CSMD3: variants seen among roughly 807,000 people sequenced by gnomAD.
CSMD3 encodes the protein CUB and sushi domain-containing protein 3.
In CSMD3, 177 loss-of-function variants were observed where a neutral mutation model predicts 435.2. The observed-to-expected ratio is 0.41, with a 90% confidence interval of 0.36 to 0.46. The LOEUF (loss-of-function observed/expected upper bound fraction) is 0.46, where lower values mean the gene tolerates loss of function less well. Ranked by LOEUF, CSMD3 falls within the 20% of genes least tolerant of loss-of-function variation. The pLI is 0.34. For missense variants in CSMD3, 4,265 were observed against 4,504.6 expected (o/e 0.95, Z 1.52); for synonymous variants, 1,656 against 1,520.5 (o/e 1.09, Z -2.07).
chr8:112,477,570 C>T (rs1382516997), intron 31 of CSMD3, among the ~76,000 whole-genome samples: 3 of 152,010 alleles, frequency 2.0e-5, no homozygotes, highest in Non-Finnish European at 4.4e-5. Context: ...TGAGTGTGTT[C>T]TCCTGAGATC....
chr8:112,506,019 A>G (rs1201806049), intron 29 of CSMD3, among the ~76,000 whole-genome samples: 1 of 152,220 alleles, frequency 6.6e-6, no homozygotes, highest in East Asian at 1.9e-4. Context: ...TGTTTCCTCA[A>G]TTGAGAAAAT....
chr8:112,389,623 T>A (rs892423427), intron 36 of CSMD3, among the ~76,000 whole-genome samples: 1 of 152,168 alleles, frequency 6.6e-6, no homozygotes, highest in Non-Finnish European at 1.5e-5. Flanking sequence ...TGAAGCTGAT[T>A]TTTTTTACTA....
intron 27 of CSMD3, among the ~76,000 whole-genome samples, chr8:112,520,738 CCAAATATATGT>C (rs57657214): frequency 0.31 from 46,633 of 151,404 alleles, 7,275 homozygotes; most frequent in East Asian, 0.47. Flanking sequence ...CATATATATG[CCAAATATATGT>C]CAAATAACAT....
intron 11 of CSMD3, among the ~76,000 whole-genome samples, chr8:112,845,059 C>T (rs2080280954): frequency 6.6e-6 from 1 of 151,866 alleles, no homozygotes; most frequent in Non-Finnish European, 1.5e-5. Flanking sequence ...AAATGCTTTG[C>T]CATTTGCATA....
chr8:112,343,235 CTA>C (rs1825347964), intron 41 of CSMD3, among the ~76,000 whole-genome samples: 1 of 151,716 alleles, frequency 6.6e-6, no homozygotes, highest in Admixed American at 6.6e-5. Context: ...ATTATTGAAA[CTA>C]TTTTTAATAA....
chr8:113,270,643 C>T (rs887060741), intron 3 of CSMD3, among the ~76,000 whole-genome samples: 1 of 151,934 alleles, frequency 6.6e-6, no homozygotes, highest in African/African-American at 2.4e-5. Flanking sequence ...TACTATGCAG[C>T]CATAAAAAAG....
At chr8:113,121,932 A>G (rs1415181178) in intron 4 of CSMD3, among the ~76,000 whole-genome samples, 1 of 152,136 alleles carries the variant, frequency 6.6e-6, no homozygotes, top group Non-Finnish European at 1.5e-5. Context: ...TGTTACTATT[A>G]AAAAATTAAC....
At chr8:112,270,355 T>TGTGTGTGTGTGTGTGTGTGTTAGGGGTGA (rs1563717206) in intron 59 of CSMD3, among the ~76,000 whole-genome samples, 3 of 93,576 alleles carry the variant, frequency 3.2e-5, no homozygotes, top group Non-Finnish European at 6.1e-5. Flanking sequence ...TGTGTGTGTG[T>TGTGTGTGTGTGTGTGTGTGTTAGGGGTGA]GTGTGTGTGT....
intron 13 of CSMD3, among the ~76,000 whole-genome samples, chr8:112,713,581 C>G (rs550988010): frequency 6.6e-6 from 1 of 151,960 alleles, no homozygotes; most frequent in African/African-American, 2.4e-5. Flanking sequence ...AAAAACACCA[C>G]TAAGGTACTA....
chr8:112,790,369 G>GA (rs554787166), intron 13 of CSMD3, among the ~76,000 whole-genome samples: 107 of 146,440 alleles, frequency 7.3e-4, no homozygotes, highest in African/African-American at 2.1e-3. Context: ...GAACAAAAGT[G>GA]AAAAAAAATC....
rs747961241 is a variant in CSMD3, at chr8:112,380,335, CATG to C, written c.6136+14_6136+16del. 11 of 1,329,592 alleles carry C rather than the reference CATG, an allele frequency of 8.3e-6. No homozygotes were observed. Among genetic ancestry groups the C allele is most frequent in the African/African-American group, 1.4e-5 (1 of 69,168 alleles). The allele number at this position is 1,329,592 out of a possible 1,614,324, so 82.4% of individuals were successfully genotyped here. A position where few individuals can be genotyped will look rare whatever the true frequency, so the allele number is the denominator to read the frequency against. On this transcript the variant is annotated intron_variant, in intron 38 of 70. Transcript: ENST00000297405. ...TTGTTCTTAACCTTTTTGAATGGCA[CATG>C]ATATTATTTTTACCTGTGTATTCAA...
intron 24 of CSMD3, among the ~76,000 whole-genome samples, chr8:112,564,963 T>C (rs1828948393): frequency 6.6e-6 from 1 of 152,124 alleles, no homozygotes; most frequent in African/African-American, 2.4e-5. Flanking sequence ...AAATTAATTG[T>C]ATGTAACATG....
At chr8:112,649,879 T>C (rs1006129615) in intron 19 of CSMD3, among the ~76,000 whole-genome samples, 1 of 152,130 alleles carries the variant, frequency 6.6e-6, no homozygotes, top group Non-Finnish European at 1.5e-5. Flanking sequence ...TTTGAAAAGG[T>C]CCACAGCATG....
At chr8:112,762,276 T>C (rs2077858658) in intron 13 of CSMD3, among the ~76,000 whole-genome samples, 1 of 151,982 alleles carries the variant, frequency 6.6e-6, no homozygotes, top group Non-Finnish European at 1.5e-5. Flanking sequence ...TTACCCATAT[T>C]GGGAAAATTC....
intron 28 of CSMD3, among the ~76,000 whole-genome samples, chr8:112,511,865 T>C (rs1823180212): frequency 6.6e-6 from 1 of 152,200 alleles, no homozygotes; most frequent in South Asian, 2.1e-4. Context: ...TTCTTTGTTG[T>C]CATTTCAACA....
In CSMD3 at chr8:113,163,976, G is replaced by A. The variant is rs992010181; in HGVS notation, c.709+9746C>T. ...TTAAATTATACTGTGCCTTCTTTGC[G>A]TTGTTTAGCTAAAGAAATATTTCAT... On this transcript the variant is annotated intron_variant, in intron 4 of 70. Transcript: ENST00000297405. 7.2e-5 allele frequency among the ~76,000 whole-genome samples: 11 copies of A among 151,966 alleles called. No homozygotes were observed. The East Asian group carries it at 7.7e-4, about 11-fold the overall frequency.
intron 46 of CSMD3, among the ~76,000 whole-genome samples, chr8:112,319,260 C>T (rs149621445): frequency 3.2e-4 from 49 of 152,064 alleles, no homozygotes; most frequent in African/African-American, 1.1e-3. Flanking sequence ...AAAAATACAA[C>T]AAGTAGTTAG....
chr8:112,294,383 A>T (rs1820062424), intron 54 of CSMD3, among the ~76,000 whole-genome samples: 1 of 152,106 alleles, frequency 6.6e-6, no homozygotes, highest in African/African-American at 2.4e-5. Context: ...TATAATTACA[A>T]CATATTTACA....
At chr8:113,024,495 T>C (rs1364973958) in intron 5 of CSMD3, among the ~76,000 whole-genome samples, 1 of 152,212 alleles carries the variant, frequency 6.6e-6, no homozygotes, top group African/African-American at 2.4e-5. Context: ...CTGGGTCATA[T>C]GGTAGTTCTA....
Sources: allele counts gnomAD v4.1 joint callset (sites outside exome capture counted in the v4.1 genomes callset), GRCh38; gene constraint gnomAD v4.1.1; transcripts MANE v1.5; gene names NCBI Gene and HGNC (gene_info 2026-07-23, HGNC 2026-07-21).